The following RNF115 variants were observed in gnomAD, a reference collection of about 807,000 sequenced individuals.
The protein encoded by RNF115 is ring finger protein 115, also known as E3 ubiquitin-protein ligase RNF115.
A neutral mutation model predicts 39.2 loss-of-function variants in RNF115; 31 were observed. That is an observed-to-expected ratio of 0.79 (90% CI 0.59 to 1.07). RNF115 has a LOEUF of 1.07. Ranked by LOEUF, RNF115 falls within the 50% of genes least tolerant of loss-of-function variation. The pLI, the probability that RNF115 is intolerant of heterozygous loss-of-function variation, is 0.00. For synonymous variants in RNF115, 124 were observed against 131.0 expected, an observed-to-expected ratio of 0.95 and a Z score of 0.37; for missense variants, 384 against 381.7, an observed-to-expected ratio of 1.01 and a Z score of -0.05.
intron 1 of RNF115, 32 bp from the exon 2 acceptor site, chr1:145,788,998 T>C: frequency 7.1e-7 from 1 of 1,411,182 alleles, no homozygotes; most frequent in African/African-American, 1.4e-5. Flanking sequence ...AAATAAAACT[T>C]TTTCATTAGA....
At chr1:145,751,684 G>A (rs1658095654) in intron 5 of RNF115, among the ~76,000 whole-genome samples, 174 bp from the exon 6 acceptor site, 1 of 152,186 alleles carries the variant, frequency 6.6e-6, no homozygotes, top group African/African-American at 2.4e-5. Context: ...AGACTATCCA[G>A]AGATAGTACC....
At chr1:145,816,833 A>G (rs1273872314) in intron 1 of RNF115, among the ~76,000 whole-genome samples, 6 of 127,168 alleles carry the variant, frequency 4.7e-5, no homozygotes, top group African/African-American at 1.0e-4. Context: ...CAGTGGCACA[A>G]CCATAGCTCA....
At chr1:145,752,926 C>T (rs1423911521) in intron 5 of RNF115, 52 bp downstream of exon 5, 2 of 1,303,526 alleles carry the variant, frequency 1.5e-6, no homozygotes, top group African/African-American at 2.9e-5. Context: ...AATGACAGCA[C>T]CTAAAATATG....
chr1:145,765,097 A>C, intron 4 of RNF115, among the ~76,000 whole-genome samples: 2 of 152,292 alleles, frequency 1.3e-5, no homozygotes, highest in Non-Finnish European at 2.9e-5. Context: ...CTGCCTTGGG[A>C]TGCTGTTGAT....
intron 3 of RNF115, chr1:145,772,955 T>C (rs1243225068): frequency 6.6e-6 from 1 of 152,232 alleles, no homozygotes; most frequent in Non-Finnish European, 1.5e-5. Context: ...CCAAGTTTGC[T>C]GATTCTTCTG....
At chr1:145,808,334 C>T (rs1177273761) in intron 1 of RNF115, among the ~76,000 whole-genome samples, 5 of 152,172 alleles carry the variant, frequency 3.3e-5, no homozygotes, top group Non-Finnish European at 5.9e-5. Context: ...CTTTCTTCCA[C>T]ATTCTGGTCA....
chr1:145,764,015 C>T (rs1393547450), intron 4 of RNF115, among the ~76,000 whole-genome samples: 2 of 151,958 alleles, frequency 1.3e-5, no homozygotes, highest in Non-Finnish European at 2.9e-5. Flanking sequence ...ACCTCCCTGC[C>T]TGATTCTCCT....
Position 145,788,932 on chromosome 1 carries a change from A to G in RNF115, c.137T>C (p.Ile46Thr). ...YICPRCESGF[I>T]EEVTDDSSFL... ...CCTGGAATCATCTGTCACTTCTTCAATAAAGCCTGATTCACATCTGGGACA... is the reference window on the plus strand; with the variant it reads ...CCTGGAATCATCTGTCACTTCTTCAGTAAAGCCTGATTCACATCTGGGACA... Residue 46 changes from isoleucine (I) to threonine (T), a missense_variant, in exon 2 of 9, where the codon ATT becomes ACT. Coordinates refer to ENST00000582693, the MANE Select transcript of RNF115 (RefSeq NM_014455.4). The G allele has an allele frequency of 6.2e-7, 1 of 1,601,610 alleles. No individual in the cohort carries two copies. The highest frequency in any genetic ancestry group is 8.5e-7 in the Non-Finnish European group (1 of 1,171,378).
At chr1:145,794,878 G>A (rs1206055608) in intron 1 of RNF115, among the ~76,000 whole-genome samples, 1 of 151,872 alleles carries the variant, frequency 6.6e-6, no homozygotes, top group Non-Finnish European at 1.5e-5. Flanking sequence ...TTAGCCGTGC[G>A]TGGTGGCGGG....
intron 1 of RNF115, among the ~76,000 whole-genome samples, chr1:145,793,187 G>A (rs1485774602): frequency 3.9e-5 from 6 of 152,214 alleles, no homozygotes; most frequent in Admixed American, 2.6e-4. Flanking sequence ...GTATGGTGGC[G>A]CATGCCTATA....
intron 1 of RNF115, among the ~76,000 whole-genome samples, chr1:145,795,036 AAGAT>A (rs1648901759): frequency 1.3e-5 from 2 of 151,180 alleles, no homozygotes; most frequent in African/African-American, 4.9e-5. Flanking sequence ...AAAAAAAAAA[AAGAT>A]AGTGTGTCCG....
intron 1 of RNF115, among the ~76,000 whole-genome samples, chr1:145,792,019 C>A (rs1411438758): frequency 2.0e-5 from 3 of 151,116 alleles, no homozygotes; most frequent in African/African-American, 7.3e-5. Flanking sequence ...GTAGCCTTGA[C>A]CTCCAGGGCT....
intron 2 of RNF115, chr1:145,788,632 T>A: frequency 3.6e-6 from 2 of 562,240 alleles, no homozygotes; most frequent in Non-Finnish European, 6.7e-6. Context: ...CTGACATGCG[T>A]ACAGATGTAC....
At chr1:145,804,062 G>A (rs781831015) in intron 1 of RNF115, among the ~76,000 whole-genome samples, 2 of 152,212 alleles carry the variant, frequency 1.3e-5, no homozygotes, top group Non-Finnish European at 2.9e-5. Context: ...TAGCTCTGAT[G>A]TGTACCACAA....
intron 4 of RNF115, among the ~76,000 whole-genome samples, chr1:145,764,245 G>T (rs2101503158): frequency 6.6e-6 from 1 of 152,308 alleles, no homozygotes; most frequent in East Asian, 1.9e-4. Context: ...GAGTGCAGTG[G>T]CTTGATCTCG....
At chr1:145,774,508 C>A (rs1389210936) in intron 3 of RNF115, among the ~76,000 whole-genome samples, 1 of 152,056 alleles carries the variant, frequency 6.6e-6, no homozygotes, top group Admixed American at 6.5e-5. Flanking sequence ...TGACACCACG[C>A]CCCGCTAATT....
chr1:145,799,955 G>A (rs1291807390), intron 1 of RNF115, among the ~76,000 whole-genome samples: 1 of 152,144 alleles, frequency 6.6e-6, no homozygotes, highest in Non-Finnish European at 1.5e-5. Context: ...CTAGTTGAGT[G>A]TTTTTATCAT....
intron 4 of RNF115, among the ~76,000 whole-genome samples, chr1:145,756,899 C>T (rs1553713253): frequency 7.4e-6 from 1 of 134,592 alleles, no homozygotes; most frequent in Non-Finnish European, 1.5e-5. Flanking sequence ...TGCAGTGGTG[C>T]GATCTCAGCT....
intron 4 of RNF115, among the ~76,000 whole-genome samples, chr1:145,763,689 A>C (rs1658622200): frequency 6.6e-6 from 1 of 151,964 alleles, no homozygotes; most frequent in Non-Finnish European, 1.5e-5. Context: ...ACAGAGTGAG[A>C]CTCCCTCTCA....
Sources: allele counts gnomAD v4.1 joint callset (sites outside exome capture counted in the v4.1 genomes callset), GRCh38; gene constraint gnomAD v4.1.1; transcripts MANE v1.5; gene names NCBI Gene and HGNC (gene_info 2026-07-23, HGNC 2026-07-21).